The following RAB27A variants were observed in gnomAD, a reference collection of about 807,000 sequenced individuals.
RAB27A encodes the protein RAB27A, member RAS oncogene family.
In RAB27A, 17 loss-of-function variants were observed where a neutral mutation model predicts 20.8. The ratio of observed to expected loss-of-function variants is 0.82; its 90% CI spans 0.56 to 1.23. The LOEUF is 1.23. Among genes scored for constraint, RAB27A ranks in the 50% most tolerant of loss-of-function variants. The pLI is 0.00. For synonymous variants in RAB27A, 85 were observed against 92.8 expected (o/e 0.92, Z 0.48); for missense variants, 277 against 266.7 (o/e 1.04, Z -0.27).
chr15:55,259,112 A>G (rs990102459), intron 2 of RAB27A, among the ~76,000 whole-genome samples: 4 of 152,188 alleles, frequency 2.6e-5, no homozygotes, highest in Non-Finnish European at 5.9e-5. Context: ...CACCATGCCC[A>G]GCCAGGTTCT....
At position 55,203,994 on chromosome 15, in the gene RAB27A, G is replaced by A. The variant is rs1387453711; in HGVS notation, c.*1513C>T. ...TTTAGATACATGAATATATTGTGTAGTCGTAAAGTCTGGGCTTCTAGTGTA... is the reference window on the plus strand; with the variant it reads ...TTTAGATACATGAATATATTGTGTAATCGTAAAGTCTGGGCTTCTAGTGTA... On this transcript the variant is annotated 3_prime_UTR_variant, in exon 7 of 7. Coordinates refer to ENST00000336787, the MANE Select transcript of RAB27A (RefSeq NM_183235.3). 1 of 152,100 alleles carries A rather than the reference G, an allele frequency of 6.6e-6. No homozygotes were observed. Among genetic ancestry groups the A allele is most frequent in the Non-Finnish European group, 1.5e-5 (1 of 68,022 alleles). 9.4% of individuals were successfully genotyped at this position (152,100 alleles called of 1,614,324 possible).
At chr15:55,265,110 C>T (rs1014057659) in intron 2 of RAB27A, among the ~76,000 whole-genome samples, 1 of 152,114 alleles carries the variant, frequency 6.6e-6, no homozygotes, top group Non-Finnish European at 1.5e-5. Flanking sequence ...GGCGTGGCGG[C>T]GCATGCCTGT....
intron 1 of RAB27A, among the ~76,000 whole-genome samples, chr15:55,286,912 C>CTTTTTT (rs35313703): frequency 3.5e-5 from 2 of 57,166 alleles, no homozygotes; most frequent in Non-Finnish European, 6.5e-5. Context: ...TAGATGTATT[C>CTTTTTT]TTTTTTTTTT....
At chr15:55,292,915 G>C (rs1349936617), upstream of RAB27A, among the ~76,000 whole-genome samples, 2 of 152,138 alleles carry the variant, frequency 1.3e-5, no homozygotes, top group African/African-American at 4.8e-5. Context: ...ATGAGCAATG[G>C]AAGTTCAAAA....
At chr15:55,265,475 T>C (rs978424867) in intron 2 of RAB27A, among the ~76,000 whole-genome samples, 28 of 152,066 alleles carry the variant, frequency 1.8e-4, no homozygotes, top group Non-Finnish European at 4.0e-4. Flanking sequence ...AATTACACAG[T>C]GCACTAGATA....
At chr15:55,255,721 G>T (rs976930160) in intron 2 of RAB27A, among the ~76,000 whole-genome samples, 1 of 152,130 alleles carries the variant, frequency 6.6e-6, no homozygotes, top group South Asian at 2.1e-4. Flanking sequence ...ACTACGAATG[G>T]CATGAAAGAA....
At chr15:55,281,185 A>G (rs1366140500) in intron 1 of RAB27A, among the ~76,000 whole-genome samples, 1 of 152,204 alleles carries the variant, frequency 6.6e-6, no homozygotes, top group Non-Finnish European at 1.5e-5. Context: ...TTGAGGAAGC[A>G]TTAACATGGT....
intron 3 of RAB27A, 58 bp from the exon 4 acceptor site, chr15:55,230,544 CT>C: frequency 7.0e-7 from 1 of 1,429,958 alleles, no homozygotes; most frequent in Non-Finnish European, 9.8e-7. Context: ...AGCGAACCTT[CT>C]CACCTTTTTG....
At chr15:55,285,816 C>G (rs551071473) in intron 1 of RAB27A, among the ~76,000 whole-genome samples, 18 of 152,252 alleles carry the variant, frequency 1.2e-4, no homozygotes, top group African/African-American at 4.3e-4. Context: ...TTCCAAAAAA[C>G]TTCACTCTTC....
intron 6 of RAB27A, among the ~76,000 whole-genome samples, chr15:55,211,555 G>A (rs1895027368): frequency 6.6e-6 from 1 of 151,996 alleles, no homozygotes. Context: ...TTTTCAGATT[G>A]TTCCCTGTTG....
chr15:55,305,010 T>G (rs1354568601), intron 2 of RAB27A, among the ~76,000 whole-genome samples: 1 of 152,242 alleles, frequency 6.6e-6, no homozygotes, highest in Admixed American at 6.5e-5. Flanking sequence ...CACTGTGCTC[T>G]CAGGCGATAG....
chr15:55,302,968 G>A (rs1477977463), intron 2 of RAB27A, among the ~76,000 whole-genome samples: 3 of 114,852 alleles, frequency 2.6e-5, no homozygotes, highest in Admixed American at 7.8e-5. Flanking sequence ...CAGCCACCCC[G>A]TCCAAGAGGG....
intron 2 of RAB27A, among the ~76,000 whole-genome samples, chr15:55,255,979 T>C (rs1195321868): frequency 6.6e-6 from 1 of 152,220 alleles, no homozygotes; most frequent in Non-Finnish European, 1.5e-5. Context: ...CACTGTTTCC[T>C]CAATATGGGA....
At chr15:55,305,467 C>T (rs1263408819) in intron 2 of RAB27A, among the ~76,000 whole-genome samples, 4 of 152,112 alleles carry the variant, frequency 2.6e-5, no homozygotes, top group Admixed American at 6.5e-5. Flanking sequence ...CTGGAAGAGA[C>T]AAACTTAACA....
chr15:55,296,385 A>G lies in RAB27A; in HGVS notation c.-112+17654T>C, dbSNP rs536628420. 5.3e-5 allele frequency among the ~76,000 whole-genome samples: 8 copies of G among 152,058 alleles called. No individual in the cohort carries two copies. The East Asian group carries it at 1.6e-3, about 30-fold the overall frequency. Reference sequence around the variant, plus strand: ...GTGGCACATGCCTGTGGTCCCAGCTACTCGGGAGGCTGAGGCATGAGAATC... The same window carrying G: ...GTGGCACATGCCTGTGGTCCCAGCTGCTCGGGAGGCTGAGGCATGAGAATC... On this transcript the variant is annotated intron_variant, in intron 2 of 5. Coordinates refer to the RAB27A transcript ENST00000563262.
chr15:55,305,975 A>G (rs1479258363), intron 2 of RAB27A, among the ~76,000 whole-genome samples: 1 of 152,184 alleles, frequency 6.6e-6, no homozygotes, highest in Non-Finnish European at 1.5e-5. Context: ...TGATTGTATG[A>G]ATCTTGTTCA....
intron 5 of RAB27A, among the ~76,000 whole-genome samples, chr15:55,225,527 GA>G (rs1895762178): frequency 6.6e-6 from 1 of 152,202 alleles, no homozygotes; most frequent in Admixed American, 6.5e-5. Context: ...AGGAATGCTG[GA>G]AATGGGGCTA....
chr15:55,294,098 C>T (rs978256093), upstream of RAB27A, among the ~76,000 whole-genome samples: 13 of 151,576 alleles, frequency 8.6e-5, no homozygotes, highest in African/African-American at 2.9e-4. Context: ...GTTCATGCTT[C>T]CTGATTTCAA....
At chr15:55,224,358 G>T (rs1308409836) in intron 5 of RAB27A, among the ~76,000 whole-genome samples, 1 of 152,216 alleles carries the variant, frequency 6.6e-6, no homozygotes, top group Admixed American at 6.5e-5. Context: ...AAAGAAAGTT[G>T]CAGGAGTTCC....
Sources: allele counts gnomAD v4.1 joint callset (sites outside exome capture counted in the v4.1 genomes callset), GRCh38; gene constraint gnomAD v4.1.1; transcripts MANE v1.5; gene names NCBI Gene and HGNC (gene_info 2026-07-23, HGNC 2026-07-21).